Variants in CLCN3 observed in about 807,000 individuals in gnomAD.
The protein encoded by CLCN3 is Cl-/H+ antiporter 3, also known as H(+)/Cl(-) exchange transporter 3.
CLCN3 carries 16 observed loss-of-function variants against 83.4 expected under a neutral mutation model. The observed-to-expected ratio is 0.19, with a 90% CI of 0.13 to 0.29. The LOEUF (loss-of-function observed/expected upper bound fraction) is 0.29, where lower values mean the gene tolerates loss of function less well. CLCN3 is among the 10% of genes least tolerant of loss of function. The pLI, the probability that CLCN3 is intolerant of heterozygous loss-of-function variation, is 1.00. For missense variants in CLCN3, 544 were observed against 1,006.0 expected (o/e 0.54, Z 6.21); for synonymous variants, 322 against 346.2 (o/e 0.93, Z 0.78).
intron 2 of CLCN3, among the ~76,000 whole-genome samples, chr4:169,657,948 C>T (rs1002272936): frequency 8.5e-5 from 13 of 152,088 alleles, no homozygotes; most frequent in Non-Finnish European, 1.8e-4. Context: ...TTCCAGTCTA[C>T]CTTGTGCTTT....
chr4:169,656,572 A>T (rs1315620794), intron 2 of CLCN3, among the ~76,000 whole-genome samples: 2 of 152,230 alleles, frequency 1.3e-5, no homozygotes, highest in African/African-American at 4.8e-5. Context: ...TCCAAACCAT[A>T]TTACAACCAT....
intron 2 of CLCN3, among the ~76,000 whole-genome samples, chr4:169,639,020 A>G (rs1730324942): frequency 6.6e-6 from 1 of 152,154 alleles, no homozygotes; most frequent in African/African-American, 2.4e-5. Context: ...AGCGTAGGCA[A>G]CCATTGGTGT....
At chr4:169,668,158 TGA>T (rs1028242601) in intron 2 of CLCN3, among the ~76,000 whole-genome samples, 5 of 146,446 alleles carry the variant, frequency 3.4e-5, no homozygotes, top group Non-Finnish European at 6.0e-5. Context: ...ATTGTGTGTG[TGA>T]GAGGGGGTTG....
rs147139422 is a variant in CLCN3, at chr4:169,712,231, A to G, written c.2150-848A>G. Reference sequence around the variant, plus strand: ...GTTTTAATACTAACTCAAAGTAGAAACATAAAGCTGAATGACTATTTTATT... The same window carrying G: ...GTTTTAATACTAACTCAAAGTAGAAGCATAAAGCTGAATGACTATTTTATT... On this transcript the variant is annotated intron_variant, in intron 11 of 12. Coordinates refer to ENST00000513761, the MANE Select transcript of CLCN3 (RefSeq NM_001829.4). Among the ~76,000 whole-genome samples, 93 of 152,220 alleles carry G rather than the reference A, an allele frequency of 6.1e-4. 1 individual carries two copies. The highest frequency in any genetic ancestry group is 2.2e-3 in the African/African-American group (90 of 41,532).
At chr4:169,661,083 A>C (rs1392135894) in intron 2 of CLCN3, among the ~76,000 whole-genome samples, 1 of 150,822 alleles carries the variant, frequency 6.6e-6, no homozygotes, top group Non-Finnish European at 1.5e-5. Flanking sequence ...AGAAAAAATA[A>C]TATTGGTTTG....
intron 1 of CLCN3, among the ~76,000 whole-genome samples, chr4:169,621,731 T>C (rs1319498050): frequency 1.3e-5 from 2 of 152,230 alleles, no homozygotes; most frequent in African/African-American, 2.4e-5. Flanking sequence ...TGCAGCATCA[T>C]TGTGGCTTGT....
chr4:169,712,021 ATT>A (rs564857112), intron 11 of CLCN3, among the ~76,000 whole-genome samples: 6 of 114,964 alleles, frequency 5.2e-5, no homozygotes, highest in East Asian at 2.6e-4. Flanking sequence ...TGCTTGGCCG[ATT>A]TTTTTTTTTT....
rs190613909 is a variant in CLCN3 at position 169,679,912 on chromosome 4, G to C, written c.161-138G>C. The C allele has an allele frequency of 4.0e-3, 2,499 of 628,566 alleles. 11 individuals are homozygous for C. Among genetic ancestry groups the C allele is most frequent in the Non-Finnish European group, 5.6e-3 (1,970 of 350,412 alleles). The allele number at this position is 628,566 out of a possible 1,614,324, so 38.9% of individuals were successfully genotyped here. A position where few individuals can be genotyped will look rare whatever the true frequency, so the allele number is the denominator to read the frequency against. Reference sequence around the variant, plus strand: ...CGGAGACGAGGGAGAGGGGGAGACCGTGGAAAGCGGGAGGTGGAGACGAGG... The same window carrying C: ...CGGAGACGAGGGAGAGGGGGAGACCCTGGAAAGCGGGAGGTGGAGACGAGG... On this transcript the variant is annotated intron_variant, in intron 2 of 12. Coordinates refer to ENST00000513761, the MANE Select transcript of CLCN3 (RefSeq NM_001829.4).
chr4:169,653,258 G>C (rs186098629), intron 2 of CLCN3, among the ~76,000 whole-genome samples: 209 of 152,168 alleles, frequency 1.4e-3, no homozygotes, highest in African/African-American at 4.8e-3. Context: ...GTATGTGTTA[G>C]AGTGTATTCA....
intron 1 of CLCN3, among the ~76,000 whole-genome samples, chr4:169,629,395 C>A (rs904633220): frequency 2.7e-5 from 4 of 150,462 alleles, no homozygotes; most frequent in Non-Finnish European, 4.4e-5. Flanking sequence ...TGAGGCAGAT[C>A]TTGCTCAGTT....
chr4:169,665,483 C>A (rs961468360), intron 2 of CLCN3, among the ~76,000 whole-genome samples: 5 of 151,970 alleles, frequency 3.3e-5, no homozygotes, highest in Non-Finnish European at 5.9e-5. Flanking sequence ...TTGCCATTAC[C>A]TTTTTAATCT....
At chr4:169,711,006 T>G (rs1201674375) in intron 11 of CLCN3, among the ~76,000 whole-genome samples, 1 of 152,224 alleles carries the variant, frequency 6.6e-6, no homozygotes, top group Non-Finnish European at 1.5e-5. Context: ...GTAGTTATTT[T>G]TAATTCTTTT....
intron 2 of CLCN3, among the ~76,000 whole-genome samples, chr4:169,647,166 G>A (rs1186726013): frequency 6.6e-6 from 1 of 152,122 alleles, no homozygotes; most frequent in South Asian, 2.1e-4. Flanking sequence ...TGGGTGGATG[G>A]ATCTCTTGAT....
chr4:169,625,961 C>G (rs1301515191), intron 1 of CLCN3, among the ~76,000 whole-genome samples: 1 of 152,216 alleles, frequency 6.6e-6, no homozygotes, highest in Admixed American at 6.5e-5. Flanking sequence ...GGGTGCCCCC[C>G]GGTTCCAATA....
intron 2 of CLCN3, among the ~76,000 whole-genome samples, chr4:169,636,441 C>A (rs561146768): frequency 2.0e-5 from 3 of 152,268 alleles, no homozygotes; most frequent in South Asian, 2.1e-4. Flanking sequence ...TATAACTACT[C>A]CTCAATCAAG....
chr4:169,622,719 G>T (rs1773138751), intron 1 of CLCN3, among the ~76,000 whole-genome samples: 1 of 152,110 alleles, frequency 6.6e-6, no homozygotes, highest in Admixed American at 6.5e-5. Context: ...TAACTAACTT[G>T]CCCTACAGTA....
At chr4:169,687,842 T>G (rs748871466) in intron 4 of CLCN3, 85 bp downstream of exon 4, 1 of 645,636 alleles carries the variant, frequency 1.5e-6, no homozygotes, top group African/African-American at 1.9e-5. Flanking sequence ...TTTTTTCAGG[T>G]ACCATTGGAT....
intron 2 of CLCN3, among the ~76,000 whole-genome samples, chr4:169,647,057 T>A (rs552058891): frequency 6.6e-6 from 1 of 152,164 alleles, no homozygotes; most frequent in Non-Finnish European, 1.5e-5. Context: ...ACCTACATCA[T>A]GACATTCAGA....
intron 4 of CLCN3, among the ~76,000 whole-genome samples, chr4:169,688,721 G>T (rs967695547): frequency 5.3e-5 from 8 of 151,952 alleles, no homozygotes; most frequent in African/African-American, 1.9e-4. Context: ...TTAAGTTATC[G>T]ATTGAAAATT....
Sources: allele counts gnomAD v4.1 joint callset (sites outside exome capture counted in the v4.1 genomes callset), GRCh38; gene constraint gnomAD v4.1.1; transcripts MANE v1.5; gene names NCBI Gene and HGNC (gene_info 2026-07-23, HGNC 2026-07-21).